Variants in TBC1D1 observed in about 807,000 individuals in gnomAD.
TBC1D1 encodes TBC1 domain family member 1.
A neutral mutation model predicts 125.6 loss-of-function variants in TBC1D1; 89 were observed. That is an observed-to-expected ratio of 0.71 (90% CI 0.60 to 0.85). The LOEUF (loss-of-function observed/expected upper bound fraction) is 0.85, where lower values mean the gene tolerates loss of function less well. Among genes scored for constraint, TBC1D1 ranks in the 40% least tolerant of loss-of-function variants. TBC1D1 has a pLI of 0.00. For missense variants in TBC1D1, 1,377 were observed against 1,469.2 expected, an observed-to-expected ratio of 0.94 and a Z score of 1.03; for synonymous variants, 565 against 564.1, an observed-to-expected ratio of 1.00 and a Z score of -0.02.
At chr4:38,051,384 A>G (rs944783735) in intron 11 of TBC1D1, among the ~76,000 whole-genome samples, 3 of 152,196 alleles carry the variant, frequency 2.0e-5, no homozygotes, top group African/African-American at 4.8e-5. Flanking sequence ...TTAAAGGGAA[A>G]TGTATTTTTT....
intron 6 of TBC1D1, among the ~76,000 whole-genome samples, chr4:38,025,320 G>C (rs986868743): frequency 3.9e-5 from 6 of 152,076 alleles, no homozygotes; most frequent in African/African-American, 1.4e-4. Context: ...GCATCACCTG[G>C]GCCTCTCTGA....
intron 2 of TBC1D1, among the ~76,000 whole-genome samples, chr4:37,925,487 G>T (rs138890724): frequency 6.6e-6 from 1 of 152,102 alleles, no homozygotes; most frequent in African/African-American, 2.4e-5. Flanking sequence ...GGAGGTCGAG[G>T]TGGGGGGATC....
At chr4:38,021,794 T>C in intron 6 of TBC1D1, 76 bp downstream of exon 6, 1 of 1,368,922 alleles carries the variant, frequency 7.3e-7, no homozygotes, top group Non-Finnish European at 9.5e-7. Flanking sequence ...GATACTCATC[T>C]GTTGGAAGAT....
rs1022295476 is a variant in TBC1D1, at chr4:37,902,258, A to G, written c.163A>G (p.Thr55Ala). ...GGTGCGAAGACTCAGCAGGCAGTCCACCAGAAAGGAACCTGTAACCAAGCA... is the reference window on the plus strand; with the variant it reads ...GGTGCGAAGACTCAGCAGGCAGTCCGCCAGAAAGGAACCTGTAACCAAGCA... Residue 55 changes from threonine (T) to alanine (A), a missense_variant, in exon 2 of 20, where the codon ACC becomes GCC. By Grantham distance (58) the Thr-to-Ala change is moderately conservative. This residue lies in a region of TBC1D1 where 822 missense variants were observed against 824.6 expected (regional missense o/e 1.00). Coordinates refer to ENST00000261439, the MANE Select transcript of TBC1D1 (RefSeq NM_015173.4). The G allele has an allele frequency of 6.2e-7, 1 of 1,613,926 alleles. No individual in the cohort carries two copies. Among genetic ancestry groups the G allele is most frequent in the Non-Finnish European group, 8.5e-7 (1 of 1,179,998 alleles).
intron 1 of TBC1D1, among the ~76,000 whole-genome samples, chr4:37,893,558 C>A (rs1429938539): frequency 6.6e-6 from 1 of 152,224 alleles, no homozygotes; most frequent in African/African-American, 2.4e-5. Context: ...GTGGCTCATG[C>A]CTGTAATCCC....
intron 11 of TBC1D1, among the ~76,000 whole-genome samples, 158 bp from the exon 13 acceptor site, chr4:38,052,948 A>G (rs541398603): frequency 1.3e-5 from 2 of 152,376 alleles, no homozygotes; most frequent in East Asian, 3.9e-4. Flanking sequence ...GGTGAAAATG[A>G]AAATTAAATC....
At chr4:37,903,181 T>C (rs1219121375) in intron 2 of TBC1D1, among the ~76,000 whole-genome samples, 2 of 152,160 alleles carry the variant, frequency 1.3e-5, no homozygotes, top group African/African-American at 4.8e-5. Flanking sequence ...CAGATCTGAT[T>C]AGCTTGTTAT....
At position 37,930,029 on chromosome 4, in the gene TBC1D1, T is replaced by C. The variant is rs565467941; in HGVS notation, c.417+27517T>C. On this transcript the variant is annotated intron_variant, in intron 2 of 19. Transcript: ENST00000261439. ...GACCCGGCAGTTCCATTCCTAAGAA[T>C]TCGTGCACATTATTGCCAAAAAACA... is the stretch of plus-strand genomic sequence containing the variant. 2.3e-4 allele frequency among the ~76,000 whole-genome samples: 35 copies of C among 152,240 alleles called. No homozygotes were observed. The South Asian group carries it at 7.1e-3, about 31-fold the overall frequency.
intron 2 of TBC1D1, among the ~76,000 whole-genome samples, chr4:38,009,804 GT>G (rs1338688550): frequency 1.3e-5 from 2 of 152,150 alleles, no homozygotes; most frequent in Non-Finnish European, 2.9e-5. Flanking sequence ...CAGAAGAGGA[GT>G]TTAATTTTTA....
At chr4:38,123,501 C>G (rs1275445155) in intron 17 of TBC1D1, among the ~76,000 whole-genome samples, 5 of 152,162 alleles carry the variant, frequency 3.3e-5, no homozygotes, top group Admixed American at 3.3e-4. Flanking sequence ...AATTGGCCTG[C>G]CTTGGTGTAT....
At chr4:38,082,352 A>T (rs1756719898) in intron 12 of TBC1D1, among the ~76,000 whole-genome samples, 1 of 152,058 alleles carries the variant, frequency 6.6e-6, no homozygotes, top group East Asian at 1.9e-4. Flanking sequence ...GGGCTTTTCC[A>T]CCCCACCATG....
At chr4:38,124,925 G>A in intron 17 of TBC1D1, 37 bp from the exon 20 acceptor site, 7 of 1,595,068 alleles carry the variant, frequency 4.4e-6, no homozygotes, top group Non-Finnish European at 6.0e-6. Flanking sequence ...TGAGAAACTG[G>A]TCTGGTTTAA....
chr4:38,137,414 G>A lies in TBC1D1; in HGVS notation c.*79G>A. 7.4e-7 allele frequency: 1 copy of A among 1,349,156 alleles called. No individual in the cohort carries two copies. The highest frequency in any genetic ancestry group is 9.6e-7 in the Non-Finnish European group (1 of 1,045,466). The allele number at this position is 1,349,156 out of a possible 1,614,324, so 83.6% of individuals were successfully genotyped here. On this transcript the variant is annotated 3_prime_UTR_variant, in exon 20 of 20. Transcript: ENST00000261439. The stretch of plus-strand genomic sequence containing the variant: ...AGAGGGACAGAAGACGCTGGAAGGA[G>A]AGAAGGAAGCGGGAAGTGTGCTTCT...
At chr4:37,922,406 C>G (rs999900337) in intron 2 of TBC1D1, among the ~76,000 whole-genome samples, 1 of 152,180 alleles carries the variant, frequency 6.6e-6, no homozygotes, top group Non-Finnish European at 1.5e-5. Flanking sequence ...ACTCTAACTA[C>G]AAGGTGGAGA....
At position 37,962,490 on chromosome 4, in the gene TBC1D1, T is replaced by C. The variant is rs1730247502; in HGVS notation, c.418-52019T>C. Among the ~76,000 whole-genome samples, 8 of 152,364 alleles carry C rather than the reference T, an allele frequency of 5.3e-5. 1 individual carries two copies. Among genetic ancestry groups the C allele is most frequent in the Middle Eastern group, 6.8e-3 (2 of 294 alleles). On this transcript the variant is annotated intron_variant, in intron 2 of 19. Transcript: ENST00000261439. ...CCGGTAACATCTAAAATTTTACTCT[T>C]ATAGCTGTTGATAGAGACACTAAAC... is the stretch of plus-strand genomic sequence containing the variant.
At chr4:37,905,526 C>A (rs574145017) in intron 2 of TBC1D1, among the ~76,000 whole-genome samples, 1 of 152,164 alleles carries the variant, frequency 6.6e-6, no homozygotes, top group South Asian at 2.1e-4. Flanking sequence ...CAAAATTGCT[C>A]CTGTTTGATG....
chr4:38,132,802 G>GTT (rs61642658), intron 18 of TBC1D1: 106 of 166,252 alleles, frequency 6.4e-4, no homozygotes, highest in East Asian at 9.3e-4. Context: ...AAAATGAGAG[G>GTT]TTTTTTTTTT....
chr4:38,019,874 A>ATT (rs1743629034), intron 4 of TBC1D1, among the ~76,000 whole-genome samples: 1 of 152,104 alleles, frequency 6.6e-6, no homozygotes, highest in Non-Finnish European at 1.5e-5. Context: ...TTACCTACTT[A>ATT]TTTTAGGAAT....
At chr4:38,134,505 G>A (rs1387312542) in intron 19 of TBC1D1, among the ~76,000 whole-genome samples, 1 of 152,228 alleles carries the variant, frequency 6.6e-6, no homozygotes, top group Non-Finnish European at 1.5e-5. Flanking sequence ...TGAAGAGCCT[G>A]TCTGGCCTGT....
Sources: allele counts gnomAD v4.1 joint callset (sites outside exome capture counted in the v4.1 genomes callset), GRCh38; gene constraint gnomAD v4.1.1; regional missense constraint gnomAD v4.1.1; transcripts MANE v1.5; gene names NCBI Gene and HGNC (gene_info 2026-07-23, HGNC 2026-07-21).